RAB1A: variants seen among roughly 807,000 people sequenced by gnomAD.
RAB1A encodes the protein RAB1A, member RAS oncogene family.
A neutral mutation model predicts 26.0 loss-of-function variants in RAB1A; 2 were observed. The observed-to-expected ratio is 0.08, with a 90% CI of 0.03 to 0.24. The LOEUF is 0.24. RAB1A is among the 10% of genes least tolerant of loss of function. RAB1A has a pLI of 1.00. For missense variants in RAB1A, 100 were observed against 247.0 expected, an observed-to-expected ratio of 0.40 and a Z score of 3.99; for synonymous variants, 84 against 84.9, an observed-to-expected ratio of 0.99 and a Z score of 0.06.
chr2:65,089,359 C>T (rs1255199604), intron 4 of RAB1A, among the ~76,000 whole-genome samples: 2 of 151,884 alleles, frequency 1.3e-5, no homozygotes, highest in African/African-American at 4.8e-5. Context: ...ACTACAGGCA[C>T]ATGCCACCAC....
intron 3 of RAB1A, among the ~76,000 whole-genome samples, chr2:65,092,860 G>A (rs889231224): frequency 3.3e-5 from 5 of 152,094 alleles, no homozygotes; most frequent in African/African-American, 7.2e-5. Context: ...TTATGACGAC[G>A]GTTTCCCCCA....
rs1022946017 is a variant in RAB1A, at chr2:65,129,757, C to G, written c.23+136G>C. 155 of 1,401,182 alleles carry G rather than the reference C, an allele frequency of 1.1e-4. 1 individual carries two copies. Among genetic ancestry groups the G allele is most frequent in the Non-Finnish European group, 1.5e-4 (153 of 1,024,356 alleles). 86.8% of individuals were successfully genotyped at this position (1,401,182 alleles called of 1,614,324 possible). ...CAGACAATGGGGCCCGACTCCCGGC[C>G]GCCAGCCTCTCCTGACCCATCACCC... On this transcript the variant is annotated intron_variant, in intron 1 of 5. Coordinates refer to ENST00000409784, the MANE Select transcript of RAB1A (RefSeq NM_004161.5).
At chr2:65,115,502 A>G (rs1224769751) in intron 1 of RAB1A, among the ~76,000 whole-genome samples, 1 of 152,218 alleles carries the variant, frequency 6.6e-6, no homozygotes, top group Admixed American at 6.5e-5. Flanking sequence ...TGGAGACAAG[A>G]GGTAAGAACT....
At chr2:65,129,870 G>T in intron 1 of RAB1A, 23 bp downstream of exon 1, 1 of 1,590,994 alleles carries the variant, frequency 6.3e-7, no homozygotes, top group African/African-American at 1.3e-5. Context: ...GGACCCAGCC[G>T]ACCGGTGCTC....
intron 2 of RAB1A, among the ~76,000 whole-genome samples, chr2:65,102,189 T>C (rs1669446763): frequency 6.6e-6 from 1 of 152,186 alleles, no homozygotes; most frequent in African/African-American, 2.4e-5. Flanking sequence ...ATATTTGCTA[T>C]TGCCATTAGT....
chr2:65,125,520 C>CA (rs754403243), intron 1 of RAB1A, among the ~76,000 whole-genome samples: 2 of 147,242 alleles, frequency 1.4e-5, no homozygotes, highest in Non-Finnish European at 3.0e-5. Context: ...CTCCCAGGTT[C>CA]AAGTGACTCT....
chr2:65,104,902 T>C (rs925752960), intron 1 of RAB1A, 96 bp from the exon 2 acceptor site: 17 of 1,006,424 alleles, frequency 1.7e-5, no homozygotes, highest in East Asian at 4.8e-5. Flanking sequence ...AACAACTCAC[T>C]GTGAAGACTA....
chr2:65,114,762 G>A (rs1173763473), intron 1 of RAB1A, among the ~76,000 whole-genome samples: 3 of 151,906 alleles, frequency 2.0e-5, no homozygotes, highest in East Asian at 3.9e-4. Context: ...GGAGAATGGC[G>A]TGAACCCGGG....
intron 1 of RAB1A, among the ~76,000 whole-genome samples, chr2:65,112,801 A>G (rs530022633): frequency 2.6e-5 from 4 of 152,350 alleles, no homozygotes; most frequent in South Asian, 2.1e-4. Flanking sequence ...AGTTTTTCCT[A>G]TAAGTCAACT....
intron 2 of RAB1A, among the ~76,000 whole-genome samples, chr2:65,103,566 C>A (rs2103846499): frequency 6.6e-6 from 1 of 152,114 alleles, no homozygotes. Context: ...GCTTTTGTAC[C>A]AGAGCCAATG....
intron 1 of RAB1A, among the ~76,000 whole-genome samples, chr2:65,113,327 C>G (rs1226701996): frequency 1.3e-5 from 2 of 152,010 alleles, no homozygotes; most frequent in Non-Finnish European, 2.9e-5. Context: ...TTTTTGTATG[C>G]AAGCACTACC....
At chr2:65,119,594 C>CA (rs1287722706) in intron 1 of RAB1A, among the ~76,000 whole-genome samples, 11 of 148,570 alleles carry the variant, frequency 7.4e-5, no homozygotes, top group Admixed American at 2.7e-4. Context: ...CAAAAAAAAA[C>CA]AAAAAAACCC....
chr2:65,129,649 G>C (rs1463655368), intron 1 of RAB1A, among the ~76,000 whole-genome samples: 1 of 151,314 alleles, frequency 6.6e-6, no homozygotes, highest in Non-Finnish European at 1.5e-5. Flanking sequence ...CCCGCAGTCA[G>C]GCCCTCTAAC....
chr2:65,122,496 A>C (rs1480583803), intron 1 of RAB1A, among the ~76,000 whole-genome samples: 1 of 151,812 alleles, frequency 6.6e-6, no homozygotes, highest in Non-Finnish European at 1.5e-5. Flanking sequence ...TAGGAGTTGG[A>C]GGCTATAGTA....
At chr2:65,118,002 A>G (rs1423233922) in intron 1 of RAB1A, among the ~76,000 whole-genome samples, 1 of 152,272 alleles carries the variant, frequency 6.6e-6, no homozygotes, top group Non-Finnish European at 1.5e-5. Flanking sequence ...TGGGCAAGTC[A>G]TTTAACTCTT....
intron 1 of RAB1A, among the ~76,000 whole-genome samples, chr2:65,112,565 A>G (rs1377419396): frequency 6.6e-6 from 1 of 152,228 alleles, no homozygotes; most frequent in African/African-American, 2.4e-5. Context: ...TATTTCTATT[A>G]GTGAAAAATT....
At chr2:65,123,561 G>A (rs904112543) in intron 1 of RAB1A, among the ~76,000 whole-genome samples, 6 of 152,124 alleles carry the variant, frequency 3.9e-5, no homozygotes, top group Non-Finnish European at 8.8e-5. Flanking sequence ...AGCCAGGCGC[G>A]TGGCTCACAC....
intron 2 of RAB1A, among the ~76,000 whole-genome samples, 185 bp from the exon 3 acceptor site, chr2:65,098,251 C>G (rs1669335932): frequency 2.0e-5 from 3 of 152,186 alleles, no homozygotes; most frequent in Admixed American, 2.0e-4. Context: ...CATCCACTTT[C>G]AGTACTTACT....
At chr2:65,119,859 A>AAAAAT (rs1471573203) in intron 1 of RAB1A, among the ~76,000 whole-genome samples, 1 of 149,038 alleles carries the variant, frequency 6.7e-6, no homozygotes, top group African/African-American at 2.5e-5. Flanking sequence ...AAAAAAAAAA[A>AAAAAT]AAAAAAATTA....
Sources: allele counts gnomAD v4.1 joint callset (sites outside exome capture counted in the v4.1 genomes callset), GRCh38; gene constraint gnomAD v4.1.1; transcripts MANE v1.5; gene names NCBI Gene and HGNC (gene_info 2026-07-23, HGNC 2026-07-21).